Variants in EPS8L3 observed in about 807,000 individuals in gnomAD.
The protein encoded by EPS8L3 is epidermal growth factor receptor kinase substrate 8-like protein 3.
A neutral mutation model predicts 88.5 loss-of-function variants in EPS8L3; 80 were observed. The observed-to-expected ratio is 0.90, with a 90% confidence interval of 0.75 to 1.09. The LOEUF (loss-of-function observed/expected upper bound fraction) is 1.09. EPS8L3 is among the 50% of genes least tolerant of loss of function. The pLI is 0.00. For missense variants in EPS8L3, 721 were observed against 735.2 expected (o/e 0.98, Z 0.22); for synonymous variants, 286 against 291.0 (o/e 0.98, Z 0.18).
At chr1:109,751,525 G>T in intron 16 of EPS8L3, 129 bp downstream of exon 16, 1 of 1,437,972 alleles carries the variant, frequency 7.0e-7, no homozygotes, top group Non-Finnish European at 9.6e-7. Flanking sequence ...GATAAAGTTG[G>T]CACACTAAGC....
chr1:109,752,629 A>C (rs1251119884), intron 14 of EPS8L3, 57 bp downstream of exon 14: 6 of 1,483,392 alleles, frequency 4.0e-6, no homozygotes, highest in Non-Finnish European at 5.5e-6. Context: ...ATCCAAAGGA[A>C]CAGCCCTGTC....
At chr1:109,758,951 C>T in intron 6 of EPS8L3, 111 bp downstream of exon 6, 1 of 1,192,978 alleles carries the variant, frequency 8.4e-7, no homozygotes, top group Non-Finnish European at 1.2e-6. Flanking sequence ...CAGTCCAGGC[C>T]CAGGTTGGTT....
chr1:109,762,609 C>T (rs1224966177), intron 1 of EPS8L3, among the ~76,000 whole-genome samples: 1 of 146,872 alleles, frequency 6.8e-6, no homozygotes, highest in African/African-American at 2.4e-5. Context: ...AGTTTCTCCT[C>T]ACTGCCGTCC....
rs1570708585 is a variant in EPS8L3, at chr1:109,761,705, T to C, written c.31+14A>G. The stretch of plus-strand genomic sequence containing the variant: ...AGTGGGAGGGCACGGGAGAGGGGCC[T>C]GCCAGGAGCTTACAGTAAATGGCTC... On this transcript the variant is annotated intron_variant, in intron 2 of 18. Transcript: ENST00000361965. The C allele has an allele frequency of 6.2e-7, 1 of 1,613,818 alleles. No homozygotes were observed. The highest frequency in any genetic ancestry group is 8.5e-7 in the Non-Finnish European group (1 of 1,179,924).
At chr1:109,761,254 T>C in intron 3 of EPS8L3, 1 of 491,686 alleles carries the variant, frequency 2.0e-6, no homozygotes, top group South Asian at 3.2e-5. Flanking sequence ...GACAGGACAC[T>C]CACCCGCTCA....
rs1309210121 is a variant in EPS8L3, at chr1:109,761,563, C to T, written c.32-4G>A. 5 of 1,613,610 alleles carry T rather than the reference C, an allele frequency of 3.1e-6. No individual in the cohort carries two copies. In the Admixed American group the frequency reaches 5.0e-5, roughly 16 times the overall value. On this transcript the variant is annotated splice_polypyrimidine_tract_variant and splice_region_variant and intron_variant, in intron 2 of 18. Transcript: ENST00000361965. ...TGGGAGTACTCCTTCCGGTGCACTA[C>T]AAGGGCACAGAGCAAGGGGCGGGAG...
rs766393686 is a variant in EPS8L3, at chr1:109,761,699, G to T, written c.31+20C>A. 6.2e-7 allele frequency: 1 copy of T among 1,613,772 alleles called. No individual in the cohort carries two copies. Among genetic ancestry groups the T allele is most frequent in the South Asian group, 1.1e-5 (1 of 91,072 alleles). The stretch of plus-strand genomic sequence containing the variant: ...GGGCTCAGTGGGAGGGCACGGGAGA[G>T]GGGCCTGCCAGGAGCTTACAGTAAA... On this transcript the variant is annotated intron_variant, in intron 2 of 18. Coordinates refer to ENST00000361965, the MANE Select transcript of EPS8L3 (RefSeq NM_133181.4).
chr1:109,753,182 C>G lies in EPS8L3; in HGVS notation c.1135G>C (p.Asp379His). ...WTTSRADWTG[D>H]EPLPYQPTFS... ...GTGGGTTGGTAGGGCAGGGGCTCAT[C>G]GCCTGTCCAGTCGGCCCTGAAGAGG... is the stretch of plus-strand genomic sequence containing the variant. Residue 379 changes from aspartate (D) to histidine (H), a missense_variant, in exon 13 of 19, where the codon GAT becomes CAT. Coordinates refer to ENST00000361965, the MANE Select transcript of EPS8L3 (RefSeq NM_133181.4). 6.2e-7 allele frequency: 1 copy of G among 1,611,740 alleles called. No homozygotes were observed. Among genetic ancestry groups the G allele is most frequent in the Non-Finnish European group, 8.5e-7 (1 of 1,178,860 alleles).
chr1:109,758,672 G>A lies in EPS8L3; in HGVS notation c.462-9C>T. 2 of 1,560,508 alleles carry A rather than the reference G, an allele frequency of 1.3e-6. No individual in the cohort carries two copies. Among genetic ancestry groups the A allele is most frequent in the Admixed American group, 4.0e-5 (2 of 50,366 alleles). On this transcript the variant is annotated splice_polypyrimidine_tract_variant and intron_variant, in intron 6 of 18. Transcript: ENST00000361965. Reference sequence around the variant, plus strand: ...GGCCTCCAAGTCGAGGTCTGCTGAGGACATGGTAGGGGCCACATCTTTGAC... The same window carrying A: ...GGCCTCCAAGTCGAGGTCTGCTGAGAACATGGTAGGGGCCACATCTTTGAC...
At chr1:109,763,039 G>A (rs550105454) in intron 1 of EPS8L3, among the ~76,000 whole-genome samples, 107 of 152,342 alleles carry the variant, frequency 7.0e-4, no homozygotes, top group African/African-American at 2.5e-3. Context: ...CACCTCAGTT[G>A]TGCAGAAATA....
intron 3 of EPS8L3, among the ~76,000 whole-genome samples, chr1:109,760,633 C>A (rs932442789): frequency 6.6e-6 from 1 of 152,130 alleles, no homozygotes; most frequent in Non-Finnish European, 1.5e-5. Context: ...AGCCTCTTCC[C>A]AGCCTCCACC....
chr1:109,762,664 C>T (rs904791432), intron 1 of EPS8L3, among the ~76,000 whole-genome samples: 1 of 152,190 alleles, frequency 6.6e-6, no homozygotes, highest in Non-Finnish European at 1.5e-5. Context: ...GTTCTAACGG[C>T]GTTACCTTCA....
chr1:109,757,818 T>C lies in EPS8L3; in HGVS notation c.878A>G (p.His293Arg). The C allele has an allele frequency of 6.2e-7, 1 of 1,614,118 alleles. No homozygotes were observed. Among genetic ancestry groups the C allele is most frequent in the Non-Finnish European group, 8.5e-7 (1 of 1,179,982 alleles). The change falls in exon 10 of 19, where the codon CAC becomes CGC. Residue 293 changes from histidine to arginine, a missense_variant. Transcript: ENST00000361965. The part of the protein sequence containing the change: ...QYIDCFQKIK[H>R]SFNLLGRLAT... ...GCCACCTACCAGGAGGTTGAAGCTG[T>C]GCTTGATCTTCTGGAAGCAGTCAAT...
chr1:109,756,827 C>T (rs1314801911), intron 12 of EPS8L3, among the ~76,000 whole-genome samples, 190 bp downstream of exon 12: 1 of 152,164 alleles, frequency 6.6e-6, no homozygotes, highest in Admixed American at 6.5e-5. Flanking sequence ...GGCAAGTGTG[C>T]ACTTTTCTTT....
In EPS8L3 at chr1:109,757,063, C is replaced by T. The variant is rs747651626; in HGVS notation, c.1072G>A (p.Glu358Lys). Residue 358 changes from glutamate (E) to lysine (K), a missense_variant, in exon 12 of 19, where the codon GAG becomes AAG. Coordinates refer to ENST00000361965, the MANE Select transcript of EPS8L3 (RefSeq NM_133181.4). Reference protein sequence around the residue: ...NLLQSCLSPPESNLWMGLGPA... With the variant: ...NLLQSCLSPPKSNLWMGLGPA... Reference sequence around the variant, plus strand: ...CCCAACCCCATCCAAAGGTTACTCTCAGGTGGGCTTAGACAGGACTGTAGC... The same window carrying T: ...CCCAACCCCATCCAAAGGTTACTCTTAGGTGGGCTTAGACAGGACTGTAGC... 12 of 1,614,056 alleles carry T rather than the reference C, an allele frequency of 7.4e-6. No individual in the cohort carries two copies. Among genetic ancestry groups the T allele is most frequent in the Non-Finnish European group, 1.0e-5 (12 of 1,180,028 alleles).
At chr1:109,762,500 G>T (rs1486604574) in intron 1 of EPS8L3, among the ~76,000 whole-genome samples, 1 of 152,098 alleles carries the variant, frequency 6.6e-6, no homozygotes, top group African/African-American at 2.4e-5. Context: ...CCCTCCTAAT[G>T]CTGCACTGGA....
At position 109,750,302 on chromosome 1, in the gene EPS8L3, A is replaced by G. The variant is rs75119925; in HGVS notation, c.*89T>C. On this transcript the variant is annotated 3_prime_UTR_variant, in exon 19 of 19. Coordinates refer to ENST00000361965, the MANE Select transcript of EPS8L3 (RefSeq NM_133181.4). Reference sequence around the variant, plus strand: ...TGGGGTTTGCTGCAAACTGGGATCCAGAAGAGGAATTCTCGGGGCTCTAAT... The same window carrying G: ...TGGGGTTTGCTGCAAACTGGGATCCGGAAGAGGAATTCTCGGGGCTCTAAT... 1,048 of 1,530,438 alleles carry G rather than the reference A, an allele frequency of 6.8e-4. 7 individuals carry two copies. In the African/African-American group the frequency reaches 0.013, roughly 19 times the overall value. The allele number at this position is 1,530,438 out of a possible 1,614,324, so 94.8% of individuals were successfully genotyped here. A position where few individuals can be genotyped will look rare whatever the true frequency, so the allele number is the denominator to read the frequency against.
chr1:109,757,480 C>T lies in EPS8L3; in HGVS notation c.969+1G>A, dbSNP rs1166627728. 1.2e-6 allele frequency: 2 copies of T among 1,613,594 alleles called. No homozygotes were observed. Among genetic ancestry groups the T allele is most frequent in the Non-Finnish European group, 1.7e-6 (2 of 1,179,534 alleles). ...CACCACCCTGTCGTCCCTTGACTCA[C>T]GAAGTTCAGGGACTTGAAGAGGATG... On this transcript the variant is annotated splice_donor_variant, in intron 11 of 18. Transcript: ENST00000361965. LOFTEE classifies it high-confidence loss of function.
At chr1:109,762,669 C>T (rs1382300075) in intron 1 of EPS8L3, among the ~76,000 whole-genome samples, 3 of 152,224 alleles carry the variant, frequency 2.0e-5, no homozygotes, top group Non-Finnish European at 4.4e-5. Context: ...AACGGCGTTA[C>T]CTTCAGTCAC....
Sources: allele counts gnomAD v4.1 joint callset (sites outside exome capture counted in the v4.1 genomes callset), GRCh38; gene constraint gnomAD v4.1.1; transcripts MANE v1.5; gene names NCBI Gene and HGNC (gene_info 2026-07-23, HGNC 2026-07-21).